The following TAF6L variants were observed in gnomAD, a reference collection of about 807,000 sequenced individuals.
The protein encoded by TAF6L is TATA-box binding protein associated factor 6 like, also known as TAF6-like RNA polymerase II p300/CBP-associated factor-associated factor 65 kDa subunit 6L.
TAF6L carries 34 observed loss-of-function variants against 57.3 expected under a neutral mutation model. The observed-to-expected ratio is 0.59, with a 90% CI of 0.45 to 0.79. The LOEUF is 0.79. Among genes scored for constraint, TAF6L ranks in the 30% least tolerant of loss-of-function variants. The pLI, the probability that TAF6L is intolerant of heterozygous loss-of-function variation, is 0.00. For missense variants in TAF6L, 782 were observed against 853.2 expected (o/e 0.92, Z 1.04); for synonymous variants, 417 against 376.3 (o/e 1.11, Z -1.25).
At chr11:62,773,336 C>T (rs2084163389) in intron 1 of TAF6L, among the ~76,000 whole-genome samples, 1 of 151,326 alleles carries the variant, frequency 6.6e-6, no homozygotes, top group African/African-American at 2.4e-5. Flanking sequence ...TTAGTAGAGA[C>T]GAGGTTTCAC....
intron 6 of TAF6L, 83 bp downstream of exon 6, chr11:62,779,046 GT>G: frequency 8.4e-7 from 1 of 1,196,748 alleles, no homozygotes; most frequent in Middle Eastern, 2.0e-4. Flanking sequence ...TTGAGACAGA[GT>G]TTCGCTCTTG....
At chr11:62,785,214 CAG>C (rs2084261383) in intron 9 of TAF6L, among the ~76,000 whole-genome samples, 1 of 148,712 alleles carries the variant, frequency 6.7e-6, no homozygotes, top group Admixed American at 6.8e-5. Context: ...TTTTTCGAGA[CAG>C]AGTCTCACAC....
At chr11:62,786,414 C>A in intron 10 of TAF6L, 26 bp downstream of exon 10, 1 of 1,607,576 alleles carries the variant, frequency 6.2e-7, no homozygotes, top group Non-Finnish European at 8.5e-7. Context: ...TTCCAGCCTC[C>A]CTTCCCTGCA....
chr11:62,781,852 A>G lies in TAF6L; in HGVS notation c.532-42A>G, dbSNP rs761537085. On this transcript the variant is annotated intron_variant, in intron 6 of 10. Transcript: ENST00000294168. The stretch of plus-strand genomic sequence containing the variant: ...AAGAATACCGCATTCATGTTTTACA[A>G]TTTTCTGGTGGATCCAATGCAGTCT... 2.8e-5 allele frequency: 44 copies of G among 1,569,858 alleles called. No homozygotes were observed. The highest frequency in any genetic ancestry group is 1.8e-4 in the South Asian group (16 of 90,094).
chr11:62,782,296 C>A lies in TAF6L; in HGVS notation c.790C>A (p.Arg264=), dbSNP rs746878530. The change falls in exon 8 of 11, where the codon CGG becomes AGG. Residue 264 remains arginine (R), a synonymous_variant. Transcript: ENST00000294168. ...CCCCCTGAATGACCACTGGACTCTG[C>A]GGGATGGGGCTGCCCTCCTGCTCAG... ...INPLNDHWTL[R]DGAALLLSHI... 6.2e-7 allele frequency: 1 copy of A among 1,614,038 alleles called. No homozygotes were observed. The highest frequency in any genetic ancestry group is 2.2e-5 in the East Asian group (1 of 44,876).
At chr11:62,783,377 G>C (rs910078474) in intron 9 of TAF6L, among the ~76,000 whole-genome samples, 19 of 151,950 alleles carry the variant, frequency 1.3e-4, no homozygotes, top group Non-Finnish European at 1.3e-4. Flanking sequence ...AGCTACTCGG[G>C]AGGCTGAGGC....
intron 1 of TAF6L, among the ~76,000 whole-genome samples, chr11:62,773,497 G>T (rs1360200755): frequency 1.0e-4 from 15 of 149,916 alleles, no homozygotes; most frequent in Non-Finnish European, 1.5e-5. Flanking sequence ...ACCCAGAATG[G>T]AGTGCACTGG....
chr11:62,783,535 CTTTTTT>C (rs1342686734), intron 9 of TAF6L, among the ~76,000 whole-genome samples: 1 of 133,914 alleles, frequency 7.5e-6, no homozygotes. Context: ...GAGGGAGGAT[CTTTTTT>C]TTTTTTTTTT....
chr11:62,782,868 T>C, intron 9 of TAF6L, 43 bp downstream of exon 9: 1 of 1,603,834 alleles, frequency 6.2e-7, no homozygotes, highest in Admixed American at 1.7e-5. Flanking sequence ...AGAACTCCCA[T>C]TTGTGTTAGA....
intron 1 of TAF6L, among the ~76,000 whole-genome samples, chr11:62,774,242 A>C (rs983054936): frequency 2.1e-4 from 32 of 152,062 alleles, no homozygotes; most frequent in Non-Finnish European, 4.3e-4. Flanking sequence ...AAGCCCAGCT[A>C]ATTTTTTGTA....
In TAF6L at chr11:62,776,425, G is replaced by A. The variant is rs1466434878; in HGVS notation, c.189G>A (p.Leu63=). The change falls in exon 3 of 11, where the codon CTG becomes CTA. Residue 63 remains leucine (L), a synonymous_variant. Transcript: ENST00000294168. ...QFMKHTKRRK[L]TVEDFNRALR... The stretch of plus-strand genomic sequence containing the variant: ...TGAAGCACACCAAACGCCGGAAGCT[G>A]ACGGTTGAGGACTTCAACAGGGCCC... The A allele has an allele frequency of 6.2e-7, 1 of 1,613,866 alleles. No homozygotes were observed. The highest frequency in any genetic ancestry group is 1.1e-5 in the South Asian group (1 of 91,068).
chr11:62,774,758 G>A, intron 1 of TAF6L: 1 of 403,114 alleles, frequency 2.5e-6, no homozygotes, highest in South Asian at 1.7e-5. Flanking sequence ...TATCCAGCCT[G>A]GCCAACATGG....
In TAF6L at chr11:62,775,926, C is replaced by A. The variant is rs144825291; in HGVS notation, c.143C>A (p.Thr48Lys). 1.9e-6 allele frequency: 3 copies of A among 1,607,068 alleles called. No individual in the cohort carries two copies. Among genetic ancestry groups the A allele is most frequent in the Admixed American group, 1.7e-5 (1 of 58,972 alleles). The change falls in exon 2 of 11, where the codon ACG becomes AAG. Residue 48 changes from threonine to lysine, a missense_variant. Thr to Lys is a moderately conservative substitution (Grantham distance 78, BLOSUM62 -1). Coordinates refer to ENST00000294168, the MANE Select transcript of TAF6L (RefSeq NM_006473.4). ...GTGTGCTATCGTCTGAGAGAGGCCACGCAGGTACACTCCCCTCACCCCCTG... is the reference window on the plus strand; with the variant it reads ...GTGTGCTATCGTCTGAGAGAGGCCAAGCAGGTACACTCCCCTCACCCCCTG... ...EDVCYRLREA[T>K]QNSSQFMKHT...
chr11:62,779,974 ATATT>A (rs1350029040), intron 6 of TAF6L, among the ~76,000 whole-genome samples: 20 of 74,920 alleles, frequency 2.7e-4, no homozygotes, highest in African/African-American at 8.0e-4. Context: ...ATATATATAT[ATATT>A]TTTTTTTTTT....
At chr11:62,775,961 A>C (rs746056463) in intron 2 of TAF6L, 31 bp downstream of exon 2, 3 of 1,574,208 alleles carry the variant, frequency 1.9e-6, no homozygotes, top group Admixed American at 1.9e-5. Context: ...GATACCTCCA[A>C]CTTTCCTTGT....
intron 5 of TAF6L, 101 bp from the exon 6 acceptor site, chr11:62,778,768 G>A: frequency 1.0e-6 from 1 of 992,652 alleles, no homozygotes; most frequent in Non-Finnish European, 1.6e-6. Context: ...AAGGCTTCTT[G>A]TGGATGTGTG....
intron 6 of TAF6L, among the ~76,000 whole-genome samples, chr11:62,780,372 G>A (rs2084219725): frequency 1.3e-5 from 2 of 151,884 alleles, no homozygotes; most frequent in African/African-American, 4.8e-5. Context: ...TTAGTCACGT[G>A]TGGTGGTGGA....
chr11:62,772,036 G>T (rs1350137940), intron 1 of TAF6L: 1 of 454,540 alleles, frequency 2.2e-6, no homozygotes, highest in African/African-American at 2.0e-5. Flanking sequence ...GGAGCAAGGG[G>T]TTGAGTCCTT....
In TAF6L at chr11:62,787,330, C is replaced by T; in HGVS notation, c.*34C>T. The T allele has an allele frequency of 1.3e-6, 2 of 1,523,270 alleles. No individual in the cohort carries two copies. The highest frequency in any genetic ancestry group is 1.4e-5 in the African/African-American group (1 of 71,368). 94.4% of individuals were successfully genotyped at this position (1,523,270 alleles called of 1,614,324 possible). On this transcript the variant is annotated 3_prime_UTR_variant, in exon 11 of 11. Transcript: ENST00000294168. The stretch of plus-strand genomic sequence containing the variant: ...CCCCTTCGTTCCTTGTAAATAAATC[C>T]CGCCCCCGGAAATGACGTCTCCACC...
Sources: gnomAD v4.1 joint callset for allele counts (sites outside exome capture counted in the v4.1 genomes callset) on GRCh38, gnomAD v4.1.1 for gene constraint, MANE v1.5 for transcripts, NCBI Gene and HGNC (gene_info 2026-07-23, HGNC 2026-07-21) for gene names.